Variants in DLC1 observed in about 807,000 individuals in gnomAD.
The protein encoded by DLC1 is rho GTPase-activating protein 7.
Under a neutral mutation model 140.3 loss-of-function variants are expected in DLC1, and 54 were observed. That is an observed-to-expected ratio of 0.38 (90% confidence interval 0.31 to 0.48). DLC1 has a LOEUF of 0.48. Ranked by LOEUF, DLC1 falls within the 20% of genes least tolerant of loss-of-function variation. The probability of loss-of-function intolerance (pLI) is 0.96; values close to 1 mark genes in which losing one functional copy is unlikely to be tolerated. For synonymous variants in DLC1, 986 were observed against 728.1 expected (o/e 1.35, Z -5.70); for missense variants, 2,536 against 1,907.0 (o/e 1.33, Z -6.14).
chr8:13,312,041 T>G (rs146397273), intron 4 of DLC1, among the ~76,000 whole-genome samples: 232 of 152,328 alleles, frequency 1.5e-3, no homozygotes, highest in African/African-American at 5.5e-3. Flanking sequence ...AAATAAATTC[T>G]AATCATTATT....
chr8:13,106,101 T>G (rs1477427833), intron 7 of DLC1, among the ~76,000 whole-genome samples: 1 of 151,692 alleles, frequency 6.6e-6, no homozygotes, highest in African/African-American at 2.4e-5. Flanking sequence ...GAGGGAGGAG[T>G]GCAAGGCTGG....
At position 13,494,009 on chromosome 8, in the gene DLC1, C is replaced by T. The variant is rs113009638; in HGVS notation, c.1023+5040G>A. Reference sequence around the variant, plus strand: ...CCAGAGATGTAAAGTACAGTATGTACAATATAATGTTTTATTCCTGGACAG... The same window carrying T: ...CCAGAGATGTAAAGTACAGTATGTATAATATAATGTTTTATTCCTGGACAG... On this transcript the variant is annotated intron_variant, in intron 2 of 17. Transcript: ENST00000276297. 7.3e-3 allele frequency among the ~76,000 whole-genome samples: 1,114 copies of T among 152,202 alleles called. 17 individuals are homozygous for T. Among genetic ancestry groups the T allele is most frequent in the South Asian group, 0.066 (318 of 4,824 alleles).
chr8:13,303,768 C>T (rs1323834566), intron 5 of DLC1, among the ~76,000 whole-genome samples: 1 of 152,076 alleles, frequency 6.6e-6, no homozygotes, highest in Admixed American at 6.6e-5. Context: ...CACCACTGTG[C>T]TCCAGCCTGG....
chr8:13,494,816 G>A (rs1801427548), intron 2 of DLC1, among the ~76,000 whole-genome samples: 1 of 152,006 alleles, frequency 6.6e-6, no homozygotes, highest in Admixed American at 6.6e-5. Context: ...CCAGATGTGA[G>A]GGTGCACTCC....
chr8:13,170,586 T>C (rs572455031), intron 5 of DLC1, among the ~76,000 whole-genome samples: 46 of 152,002 alleles, frequency 3.0e-4, no homozygotes, highest in African/African-American at 6.7e-4. Context: ...AAAAATTAGC[T>C]GGGCATGGTG....
chr8:13,603,855 C>T (rs1041886171), intron 1 of DLC1, among the ~76,000 whole-genome samples: 1 of 152,036 alleles, frequency 6.6e-6, no homozygotes, highest in Non-Finnish European at 1.5e-5. Context: ...GATTAAGCGG[C>T]TCTGAATTTT....
chr8:13,581,954 A>G (rs1229339058), intron 1 of DLC1, among the ~76,000 whole-genome samples: 1 of 152,188 alleles, frequency 6.6e-6, no homozygotes, highest in Admixed American at 6.5e-5. Context: ...AAAATTTTAG[A>G]AAAACTCTGT....
chr8:13,585,185 AG>A (rs757863876), intron 1 of DLC1, among the ~76,000 whole-genome samples: 1 of 152,240 alleles, frequency 6.6e-6, no homozygotes, highest in Non-Finnish European at 1.5e-5. Context: ...ATATAATCAG[AG>A]ATCTTGGCAG....
At position 13,090,272 on chromosome 8, in the gene DLC1, C is replaced by T; in HGVS notation, c.4054G>A (p.Ala1352Thr). The change falls in exon 15 of 18, where the codon GCT (alanine) becomes ACT (threonine). Residue 1352 changes from alanine to threonine, a missense_variant. Physicochemically the swap from Ala to Thr is moderately conservative, Grantham distance 58. Transcript: ENST00000276297. Reference protein sequence around the residue: ...GWVSYSTSEQAELSYKKVSEG... With the variant: ...GWVSYSTSEQTELSYKKVSEG... ...CTTACCTTCTTATAGGACAGCTCAG[C>T]CTGCTCCGAAGTGGAGTAGCTGACC... 1 of 1,614,106 alleles carries T rather than the reference C, an allele frequency of 6.2e-7. No individual in the cohort carries two copies. The highest frequency in any genetic ancestry group is 8.5e-7 in the Non-Finnish European group (1 of 1,180,004).
At chr8:13,283,673 C>T (rs1188244747) in intron 5 of DLC1, among the ~76,000 whole-genome samples, 1 of 152,130 alleles carries the variant, frequency 6.6e-6, no homozygotes, top group Non-Finnish European at 1.5e-5. Flanking sequence ...CACCACTATG[C>T]CTGGCTTATT....
rs1491415150 is a variant in DLC1, at chr8:13,413,256, A to ACTT, written c.1024-11638_1024-11637insAAG. 1.9e-3 allele frequency among the ~76,000 whole-genome samples: 153 copies of ACTT among 82,020 alleles called. 8 individuals are homozygous for ACTT. The highest frequency in any genetic ancestry group is 6.8e-3 in the Middle Eastern group (1 of 146). The allele number at this position is 82,020 out of a possible 152,430, so 53.8% of individuals were successfully genotyped here. ...TAAAACATTATGAGATTTTTTTGCG[A>ACTT]TTTTTTTTTTTTTTTTTTTTTAGCT... On this transcript the variant is annotated intron_variant, in intron 2 of 17. Transcript: ENST00000276297.
rs369773134 is a variant in DLC1, at chr8:13,579,315, TTA to T, written c.-126+25220_-126+25221del. Reference sequence around the variant, plus strand: ...AAAGTCAGATACCACAGGTCTGACTTTATATATATATATATATATATATATAT... The same window carrying T: ...AAAGTCAGATACCACAGGTCTGACTTTATATATATATATATATATATATAT... On this transcript the variant is annotated intron_variant, in intron 1 of 1. Coordinates refer to the DLC1 transcript ENST00000631382. Among the ~76,000 whole-genome samples, 29 of 10,664 alleles carry T rather than the reference TTA, an allele frequency of 2.7e-3. 1 individual carries two copies. Among genetic ancestry groups the T allele is most frequent in the African/African-American group, 9.0e-3 (26 of 2,900 alleles). The allele number at this position is 10,664 out of a possible 152,430, so 7.0% of individuals were successfully genotyped here.
intron 5 of DLC1, among the ~76,000 whole-genome samples, chr8:13,122,711 T>C (rs1314258778): frequency 6.6e-6 from 1 of 151,514 alleles, no homozygotes; most frequent in African/African-American, 2.4e-5. Context: ...TCTAATGTTA[T>C]CTAATCACAG....
intron 1 of DLC1, among the ~76,000 whole-genome samples, chr8:13,509,461 T>C (rs1802258815): frequency 6.6e-6 from 1 of 152,230 alleles, no homozygotes; most frequent in Admixed American, 6.5e-5. Context: ...CTCATCTTAA[T>C]TATGTCATCT....
intron 5 of DLC1, among the ~76,000 whole-genome samples, chr8:13,191,195 G>T (rs571451797): frequency 2.0e-5 from 3 of 152,238 alleles, no homozygotes; most frequent in South Asian, 4.2e-4. Flanking sequence ...TAAATTGGGG[G>T]TTTGCTTACA....
intron 1 of DLC1, among the ~76,000 whole-genome samples, chr8:13,545,014 A>G (rs1340361684): frequency 6.6e-6 from 1 of 152,166 alleles, no homozygotes; most frequent in Admixed American, 6.6e-5. Flanking sequence ...AGCCCTGTCC[A>G]CAGGGGCTGG....
chr8:13,500,143 G>A lies in DLC1; in HGVS notation c.-72C>T. 7.5e-7 allele frequency: 1 copy of A among 1,332,932 alleles called. No individual in the cohort carries two copies. 82.6% of individuals were successfully genotyped at this position (1,332,932 alleles called of 1,614,324 possible). A position where few individuals can be genotyped will look rare whatever the true frequency, so the allele number is the denominator to read the frequency against. On this transcript the variant is annotated 5_prime_UTR_variant, in exon 2 of 18. Transcript: ENST00000276297. The stretch of plus-strand genomic sequence containing the variant: ...GTAAAGGAGATGGAACTTGATGAAA[G>A]ATTATTTCAAAATCACCAATCAAAG...
At chr8:13,494,760 G>A (rs1483425292) in intron 2 of DLC1, among the ~76,000 whole-genome samples, 1 of 152,088 alleles carries the variant, frequency 6.6e-6, no homozygotes, top group Non-Finnish European at 1.5e-5. Context: ...AGACCAGGCT[G>A]GCCAACATGG....
chr8:13,529,095 T>C (rs1422867754), intron 1 of DLC1, among the ~76,000 whole-genome samples: 1 of 152,166 alleles, frequency 6.6e-6, no homozygotes, highest in Non-Finnish European at 1.5e-5. Flanking sequence ...ACATACGATG[T>C]ATAAGCGAAC....
Sources: gnomAD v4.1 joint callset for allele counts (sites outside exome capture counted in the v4.1 genomes callset) on GRCh38, gnomAD v4.1.1 for gene constraint, MANE v1.5 for transcripts, NCBI Gene and HGNC (gene_info 2026-07-23, HGNC 2026-07-21) for gene names.